SORCS1: variants seen among roughly 807,000 people sequenced by gnomAD.
SORCS1 encodes VPS10 domain-containing receptor SorCS1.
Under a neutral mutation model 146.1 loss-of-function variants are expected in SORCS1, and 60 were observed. The ratio of observed to expected loss-of-function variants is 0.41; its 90% CI spans 0.33 to 0.51. The LOEUF (loss-of-function observed/expected upper bound fraction) is 0.51. SORCS1 is among the 20% of genes least tolerant of loss of function. The probability of loss-of-function intolerance (pLI) is 0.21; values close to 1 mark genes in which losing one functional copy is unlikely to be tolerated. For synonymous variants in SORCS1, 637 were observed against 584.0 expected, an observed-to-expected ratio of 1.09 and a Z score of -1.31; for missense variants, 1,352 against 1,487.6, an observed-to-expected ratio of 0.91 and a Z score of 1.50.
At chr10:106,816,011 A>T (rs1352865079) in intron 3 of SORCS1, among the ~76,000 whole-genome samples, 1 of 152,184 alleles carries the variant, frequency 6.6e-6, no homozygotes, top group East Asian at 1.9e-4. Context: ...TCTCAATCTG[A>T]GTAAACTCAG....
chr10:106,988,268 C>T (rs1956578404), intron 1 of SORCS1, among the ~76,000 whole-genome samples: 1 of 152,204 alleles, frequency 6.6e-6, no homozygotes. Context: ...AGTTCTAAAA[C>T]GTTGGTGGCT....
At chr10:106,708,963 TG>T (rs1213800838) in intron 7 of SORCS1, among the ~76,000 whole-genome samples, 2 of 152,206 alleles carry the variant, frequency 1.3e-5, no homozygotes, top group African/African-American at 2.4e-5. Context: ...CTCTGTGCGA[TG>T]CCTTCATGAC....
chr10:106,926,568 A>G (rs1305727317), intron 2 of SORCS1, among the ~76,000 whole-genome samples: 1 of 152,206 alleles, frequency 6.6e-6, no homozygotes, highest in Non-Finnish European at 1.5e-5. Flanking sequence ...TGAGGCTCAT[A>G]AAACTGCCAT....
intron 23 of SORCS1, among the ~76,000 whole-genome samples, chr10:106,599,261 G>A (rs1459190660): frequency 6.6e-6 from 1 of 151,946 alleles, no homozygotes; most frequent in Non-Finnish European, 1.5e-5. Flanking sequence ...CAGTTACTTG[G>A]GAGGCTGAGG....
chr10:106,640,422 C>A (rs1423586445), intron 18 of SORCS1, among the ~76,000 whole-genome samples: 1 of 152,194 alleles, frequency 6.6e-6, no homozygotes, highest in African/African-American at 2.4e-5. Flanking sequence ...AGTATTAAGA[C>A]AATGAGATAC....
chr10:106,877,408 C>A (rs1053012967), intron 2 of SORCS1, among the ~76,000 whole-genome samples: 1 of 150,090 alleles, frequency 6.7e-6, no homozygotes, highest in Non-Finnish European at 1.5e-5. Flanking sequence ...CATAGAAAGA[C>A]CCTGTTTCTA....
intron 1 of SORCS1, among the ~76,000 whole-genome samples, chr10:107,143,607 G>A (rs181522624): frequency 1.3e-4 from 20 of 152,126 alleles, no homozygotes; most frequent in Admixed American, 4.6e-4. Flanking sequence ...GGGTTCAAGC[G>A]ATTCTCCTGC....
intron 2 of SORCS1, among the ~76,000 whole-genome samples, chr10:106,923,395 C>G (rs1952820180): frequency 6.6e-6 from 1 of 152,192 alleles, no homozygotes; most frequent in African/African-American, 2.4e-5. Context: ...AATCCATCCA[C>G]TTACCAAAGG....
At chr10:106,711,649 C>T in intron 6 of SORCS1, among the ~76,000 whole-genome samples, 1 of 152,186 alleles carries the variant, frequency 6.6e-6, no homozygotes, top group South Asian at 2.1e-4. Flanking sequence ...GGATAGCTCT[C>T]AAGTGCTTTA....
chr10:107,153,032 G>A (rs1381331704), intron 1 of SORCS1, among the ~76,000 whole-genome samples: 1 of 151,838 alleles, frequency 6.6e-6, no homozygotes, highest in East Asian at 1.9e-4. Flanking sequence ...CTCTGCCTTT[G>A]TCATGAACTT....
At chr10:106,678,554 G>A (rs1049379926) in intron 12 of SORCS1, among the ~76,000 whole-genome samples, 12 of 152,150 alleles carry the variant, frequency 7.9e-5, no homozygotes, top group Admixed American at 2.6e-4. Context: ...ATAATTAAAC[G>A]TCAGTAGGTT....
chr10:106,613,047 A>C (rs1413607133), intron 21 of SORCS1, among the ~76,000 whole-genome samples: 2 of 151,984 alleles, frequency 1.3e-5, no homozygotes, highest in Non-Finnish European at 2.9e-5. Flanking sequence ...TCTGTTTTGT[A>C]CATACTTTTT....
In SORCS1 at chr10:106,878,620, GTATATATA is replaced by G. The variant is rs3982430; in HGVS notation, c.627-48955_627-48948del. Among the ~76,000 whole-genome samples the G allele has an allele frequency of 1.1e-3, 97 of 84,922 alleles. 1 individual carries two copies. The highest frequency in any genetic ancestry group is 3.9e-3 in the African/African-American group (84 of 21,788). The allele number at this position is 84,922 out of a possible 152,430, so 55.7% of individuals were successfully genotyped here. A position where few individuals can be genotyped will look rare whatever the true frequency, so the allele number is the denominator to read the frequency against. ...AAATTTGTTTTTTATAAACTACCTA[GTATATATA>G]TATATATATATATATATATATTTTA... On this transcript the variant is annotated intron_variant, in intron 2 of 25. Transcript: ENST00000263054.
chr10:106,683,886 A>T (rs821941), intron 10 of SORCS1, among the ~76,000 whole-genome samples: 126,934 of 152,164 alleles, frequency 0.83, 54,187 homozygotes, highest in Non-Finnish European at 0.94. Context: ...GGCCCCTGGA[A>T]CAACTGGCTG....
chr10:106,935,367 T>G lies in SORCS1; in HGVS notation c.626+21146A>C, dbSNP rs370766510. On this transcript the variant is annotated intron_variant, in intron 2 of 25. Coordinates refer to ENST00000263054, the MANE Select transcript of SORCS1 (RefSeq NM_052918.5). Reference sequence around the variant, plus strand: ...ATATGGAAACTTGGTGGAGATAATATTCTAATATTTACCATTTTAAGTCCT... The same window carrying G: ...ATATGGAAACTTGGTGGAGATAATAGTCTAATATTTACCATTTTAAGTCCT... 9.2e-5 allele frequency among the ~76,000 whole-genome samples: 14 copies of G among 152,332 alleles called. No individual in the cohort carries two copies. The South Asian group carries it at 2.7e-3, about 29-fold the overall frequency.
chr10:107,034,144 C>T (rs1446007748), intron 1 of SORCS1, among the ~76,000 whole-genome samples: 3 of 152,152 alleles, frequency 2.0e-5, no homozygotes. Flanking sequence ...TTATTTGTCA[C>T]ATCTGGAAGC....
At chr10:106,742,040 T>C (rs1316000880) in intron 5 of SORCS1, among the ~76,000 whole-genome samples, 1 of 152,178 alleles carries the variant, frequency 6.6e-6, no homozygotes, top group East Asian at 1.9e-4. Context: ...AAGAGGCTAT[T>C]GCCCTCAAAT....
intron 16 of SORCS1, among the ~76,000 whole-genome samples, chr10:106,668,005 T>A (rs1174669950): frequency 6.6e-6 from 1 of 152,148 alleles, no homozygotes; most frequent in East Asian, 1.9e-4. Context: ...TATCAATTAA[T>A]TATTCAGGAA....
intron 6 of SORCS1, among the ~76,000 whole-genome samples, chr10:106,724,469 C>T (rs1338089472): frequency 6.6e-6 from 1 of 151,192 alleles, no homozygotes; most frequent in East Asian, 1.9e-4. Flanking sequence ...CACCATTGCA[C>T]TCCAGCCTAG....
Sources: allele counts gnomAD v4.1 joint callset (sites outside exome capture counted in the v4.1 genomes callset), GRCh38; gene constraint gnomAD v4.1.1; transcripts MANE v1.5; gene names NCBI Gene and HGNC (gene_info 2026-07-23, HGNC 2026-07-21).